Variants in PPP2R2D observed in about 807,000 individuals in gnomAD.
PPP2R2D encodes the protein protein phosphatase 2 regulatory subunit Bdelta.
Under a neutral mutation model 31.1 loss-of-function variants are expected in PPP2R2D, and 9 were observed. The ratio of observed to expected loss-of-function variants is 0.29; its 90% CI spans 0.17 to 0.51. PPP2R2D has a LOEUF of 0.51. Ranked by LOEUF, PPP2R2D falls within the 20% of genes least tolerant of loss-of-function variation. The pLI, the probability that PPP2R2D is intolerant of heterozygous loss-of-function variation, is 0.98. For synonymous variants in PPP2R2D, 179 were observed against 172.6 expected (o/e 1.04, Z -0.29); for missense variants, 391 against 465.6 (o/e 0.84, Z 1.48).
At chr10:131,952,181 G>A (rs1412590228) in intron 8 of PPP2R2D, among the ~76,000 whole-genome samples, 1 of 83,782 alleles carries the variant, frequency 1.2e-5, no homozygotes, top group Non-Finnish European at 2.2e-5. Flanking sequence ...TGTGCAGGGG[G>A]TTTCACTGTC....
chr10:131,934,567 T>A lies in PPP2R2D; in HGVS notation c.198+12T>A. On this transcript the variant is annotated intron_variant, in intron 3 of 8. Transcript: ENST00000455566. The stretch of plus-strand genomic sequence containing the variant: ...AGCGTGAACAAGAGGTCAGTAATTT[T>A]CAGTCCACAAATCAAATGCAATTAT... 1 of 773,508 alleles carries A rather than the reference T, an allele frequency of 1.3e-6. No individual in the cohort carries two copies. 47.9% of individuals were successfully genotyped at this position (773,508 alleles called of 1,614,324 possible).
intron 2 of PPP2R2D, among the ~76,000 whole-genome samples, chr10:131,925,730 GA>G (rs1406634545): frequency 1.3e-5 from 2 of 152,090 alleles, no homozygotes; most frequent in African/African-American, 4.8e-5. Context: ...TTGCAACCAG[GA>G]AAAATTAGGC....
chr10:131,927,561 T>C (rs1217318690), intron 2 of PPP2R2D, among the ~76,000 whole-genome samples: 8 of 152,068 alleles, frequency 5.3e-5, no homozygotes, highest in African/African-American at 1.4e-4. Flanking sequence ...GTCCCAGATA[T>C]GCAGTACTGA....
intron 2 of PPP2R2D, among the ~76,000 whole-genome samples, chr10:131,905,761 G>A (rs996115540): frequency 3.3e-5 from 5 of 152,200 alleles, no homozygotes; most frequent in Non-Finnish European, 7.3e-5. Context: ...TTGGAGCCAC[G>A]CCGACTGGCC....
At chr10:131,936,100 CAG>C (rs1418698985) in intron 3 of PPP2R2D, among the ~76,000 whole-genome samples, 6 of 151,870 alleles carry the variant, frequency 4.0e-5, no homozygotes, top group African/African-American at 1.4e-4. Flanking sequence ...CCTTTCTCAA[CAG>C]AAGTAAAAGT....
intron 2 of PPP2R2D, among the ~76,000 whole-genome samples, chr10:131,929,745 T>C (rs2036180996): frequency 6.6e-6 from 1 of 152,170 alleles, no homozygotes; most frequent in Admixed American, 6.5e-5. Flanking sequence ...CTGGGGCACA[T>C]GGTCCTGACT....
Position 131,945,740 on chromosome 10 carries a change from C to T in PPP2R2D, c.820+281C>T, listed in dbSNP as rs782017348. 3.9e-5 allele frequency: 14 copies of T among 356,534 alleles called. No homozygotes were observed. Among genetic ancestry groups the T allele is most frequent in the Admixed American group, 2.2e-4 (5 of 22,998 alleles). The allele number at this position is 356,534 out of a possible 1,614,324, so 22.1% of individuals were successfully genotyped here. A position where few individuals can be genotyped will look rare whatever the true frequency, so the allele number is the denominator to read the frequency against. On this transcript the variant is annotated intron_variant, in intron 7 of 8. Coordinates refer to ENST00000455566, the MANE Select transcript of PPP2R2D (RefSeq NM_018461.5). The surrounding 1 kb of genome is among the most constrained non-coding windows in gnomAD (Gnocchi z 4.8). ...TGCTGGGATTACAGGTGTGAGTCAC[C>T]GCACCTGGTCACGCCTGGCGTCTTT... is the stretch of plus-strand genomic sequence containing the variant.
the PPP2R2D span, chr10:131,967,862 C>G: frequency 2.6e-5 from 4 of 152,240 alleles, no homozygotes; most frequent in Non-Finnish European, 5.9e-5. Context: ...GTGCCTTCAG[C>G]AGAAAACTGA....
chr10:131,930,923 C>A (rs2036209871), intron 2 of PPP2R2D, among the ~76,000 whole-genome samples: 4 of 152,210 alleles, frequency 2.6e-5, no homozygotes, highest in Admixed American at 6.5e-5. Context: ...TGGAGGAGAT[C>A]TGAAGGTTTT....
chr10:131,952,166 G>GT (rs1286695711), intron 8 of PPP2R2D, among the ~76,000 whole-genome samples: 10 of 107,072 alleles, frequency 9.3e-5, no homozygotes, highest in Non-Finnish European at 1.5e-4. Flanking sequence ...GCAGTGACTT[G>GT]CGGGTGTGCA....
At chr10:131,963,427 C>T (rs2120123883), downstream of PPP2R2D, among the ~76,000 whole-genome samples, 1 of 152,328 alleles carries the variant, frequency 6.6e-6, no homozygotes, top group East Asian at 1.9e-4. Flanking sequence ...ATACTTGTTT[C>T]TTGGGGGGTT....
chr10:131,959,850 T>G (rs1299536175), downstream of PPP2R2D: 3 of 152,270 alleles, frequency 2.0e-5, no homozygotes, highest in Non-Finnish European at 4.4e-5. Flanking sequence ...ACTGCGTATT[T>G]GGACACCCTT....
In PPP2R2D at chr10:131,929,359, C is replaced by T. The variant is rs781978740; in HGVS notation, c.101-5099C>T. ...GTGTTTCGTTCACTAAAGCGTAAGCCGTGTGAAGACGGGCTTTGTGTTGTC... is the reference window on the plus strand; with the variant it reads ...GTGTTTCGTTCACTAAAGCGTAAGCTGTGTGAAGACGGGCTTTGTGTTGTC... On this transcript the variant is annotated intron_variant, in intron 2 of 8. Transcript: ENST00000455566. 8.5e-5 allele frequency among the ~76,000 whole-genome samples: 13 copies of T among 152,158 alleles called. 1 individual carries two copies. Among genetic ancestry groups the T allele is most frequent in the Non-Finnish European group, 4.4e-5 (3 of 68,038 alleles).
At chr10:131,901,413 T>C in intron 2 of PPP2R2D, 83 bp downstream of exon 2, 1 of 337,538 alleles carries the variant, frequency 3.0e-6, no homozygotes, top group Non-Finnish European at 5.4e-6. Context: ...GCCCCAAGCG[T>C]CCGTGGAAGG....
intron 2 of PPP2R2D, among the ~76,000 whole-genome samples, chr10:131,932,646 C>CAAAAAAAAAAA (rs368610703): frequency 0.079 from 4,530 of 57,638 alleles, 642 homozygotes; most frequent in Non-Finnish European, 0.11. Context: ...CAGCCTGTCT[C>CAAAAAAAAAAA]AAAAAAAAAA....
intron 2 of PPP2R2D, among the ~76,000 whole-genome samples, chr10:131,902,496 G>A (rs1733313182): frequency 6.6e-6 from 1 of 152,190 alleles, no homozygotes; most frequent in Non-Finnish European, 1.5e-5. Context: ...AGGTTATTAA[G>A]CAGGTGAAAC....
intron 6 of PPP2R2D, 81 bp downstream of exon 6, chr10:131,944,226 G>C (rs1330428999): frequency 4.4e-6 from 5 of 1,136,016 alleles, no homozygotes; most frequent in Non-Finnish European, 6.3e-6. Flanking sequence ...TTATACACCT[G>C]TATCTCGGAG....
In PPP2R2D at chr10:131,947,687, G is replaced by A. The variant is rs1180147494; in HGVS notation, c.978G>A (p.Val326=). Residue 326 remains valine, a synonymous_variant, in exon 8 of 9, where the codon GTG becomes GTA. Coordinates refer to ENST00000455566, the MANE Select transcript of PPP2R2D (RefSeq NM_018461.5). The surrounding 1 kb of genome is among the most constrained non-coding windows in gnomAD (Gnocchi z 4.3). ...VWDLNMESRP[V]ETHQVHEYLR... is the part of the protein sequence containing the mutation. ...ACCTCAACATGGAGAGCAGGCCGGT[G>A]GAGACCCACCAGGTCCACGAGTACC... The A allele has an allele frequency of 6.2e-7, 1 of 1,614,082 alleles. No individual in the cohort carries two copies. The highest frequency in any genetic ancestry group is 1.3e-5 in the African/African-American group (1 of 74,932).
chr10:131,907,807 G>T (rs1390665529), intron 2 of PPP2R2D, among the ~76,000 whole-genome samples: 3 of 152,100 alleles, frequency 2.0e-5, no homozygotes, highest in African/African-American at 7.2e-5. Context: ...TAACGCTCAG[G>T]AGGCTGGCCT....
Sources: gnomAD v4.1 joint callset for allele counts (sites outside exome capture counted in the v4.1 genomes callset) on GRCh38, gnomAD v4.1.1 for gene constraint, Gnocchi (gnomAD v3.1) non-coding constraint, MANE v1.5 for transcripts, NCBI Gene and HGNC (gene_info 2026-07-23, HGNC 2026-07-21) for gene names.